Variants in SLC47A2 observed in about 807,000 individuals in gnomAD.
SLC47A2 encodes solute carrier family 47 member 2.
A neutral mutation model predicts 67.7 loss-of-function variants in SLC47A2; 52 were observed. That is an observed-to-expected ratio of 0.77 (90% CI 0.61 to 0.97). SLC47A2 has a LOEUF of 0.97. Ranked by LOEUF, SLC47A2 falls within the 50% of genes least tolerant of loss-of-function variation. The pLI is 0.00. For missense variants in SLC47A2, 676 were observed against 712.3 expected (o/e 0.95, Z 0.58); for synonymous variants, 278 against 292.9 (o/e 0.95, Z 0.52).
At chr17:19,710,074 C>A (rs2086054908) in intron 5 of SLC47A2, among the ~76,000 whole-genome samples, 1 of 152,184 alleles carries the variant, frequency 6.6e-6, no homozygotes, top group Non-Finnish European at 1.5e-5. Context: ...TCACCCTGAC[C>A]TCTTCCCTGC....
chr17:19,711,542 T>C (rs2086095011), intron 5 of SLC47A2, among the ~76,000 whole-genome samples: 1 of 121,818 alleles, frequency 8.2e-6, no homozygotes, highest in African/African-American at 3.2e-5. Flanking sequence ...TGAGCGGAGA[T>C]CGTACCACTG....
intron 13 of SLC47A2, among the ~76,000 whole-genome samples, chr17:19,698,646 C>T (rs112805985): frequency 6.6e-6 from 1 of 152,276 alleles, no homozygotes; most frequent in African/African-American, 2.4e-5. Context: ...TGAGCCACTG[C>T]ACCCAGCCTT....
chr17:19,695,070 G>A lies in SLC47A2; in HGVS notation c.1164+7535C>T, dbSNP rs554908216. Among the ~76,000 whole-genome samples the A allele has an allele frequency of 3.3e-5, 5 of 152,136 alleles. No homozygotes were observed. In the East Asian group the frequency reaches 7.7e-4, roughly 23 times the overall value. ...AAGCATGAGCCATAAAAGAAATTAA[G>A]AAATTGGACTACATTGAAAGTGAAA... On this transcript the variant is annotated intron_variant, in intron 13 of 16. Transcript: ENST00000433844.
chr17:19,715,039 A>G, intron 2 of SLC47A2, 77 bp downstream of exon 2: 1 of 1,503,660 alleles, frequency 6.7e-7, no homozygotes, highest in South Asian at 1.1e-5. Flanking sequence ...CAGCCACCCA[A>G]GACGGGCCCA....
At chr17:19,713,791 C>G (rs1454781764) in intron 4 of SLC47A2, 34 bp downstream of exon 4, 1 of 1,591,216 alleles carries the variant, frequency 6.3e-7, no homozygotes, top group Non-Finnish European at 8.6e-7. Context: ...GGTTTCCCAG[C>G]AAGCCCCACC....
intron 13 of SLC47A2, among the ~76,000 whole-genome samples, chr17:19,698,547 C>T (rs760889015): frequency 1.4e-4 from 22 of 152,002 alleles, no homozygotes; most frequent in Admixed American, 1.3e-4. Flanking sequence ...AGACAGGTTT[C>T]GCCATGTTGG....
intron 5 of SLC47A2, among the ~76,000 whole-genome samples, chr17:19,710,460 C>CTT (rs67349160): frequency 4.7e-5 from 7 of 149,686 alleles, no homozygotes; most frequent in Admixed American, 1.3e-4. Context: ...TGGGTTAAGT[C>CTT]TTTTTTTTTT....
chr17:19,678,396 TATTA>T lies in SLC47A2; in HGVS notation c.*286_*289del, dbSNP rs2085234672. ...GTGTCCCATTTGAAGCCATTTACAT[TATTA>T]ATAATAGTGACAATCCCTGGACTCT... On this transcript the variant is annotated 3_prime_UTR_variant, in exon 17 of 17. Coordinates refer to ENST00000433844, the MANE Select transcript of SLC47A2 (RefSeq NM_001099646.3). The T allele has an allele frequency of 2.5e-6, 1 of 399,230 alleles. No homozygotes were observed. Among genetic ancestry groups the T allele is most frequent in the Admixed American group, 3.8e-5 (1 of 26,454 alleles). 24.7% of individuals were successfully genotyped at this position (399,230 alleles called of 1,614,324 possible).
chr17:19,705,443 G>T lies in SLC47A2; in HGVS notation c.902C>A (p.Thr301Asn), dbSNP rs779618937. 7 of 1,612,014 alleles carry T rather than the reference G, an allele frequency of 4.3e-6. No individual in the cohort carries two copies. The East Asian group carries it at 1.6e-4, about 36-fold the overall frequency. Residue 301 changes from threonine to asparagine, a missense_variant, in exon 10 of 17, where the codon ACC becomes AAC. Transcript: ENST00000433844. ...QAVIYEVATV[T>N]YMIPLGLSIG... ...CCCCTGCAGGAGCCTTACCATGTAG[G>T]TCACAGTGGCCACCTCGTAGATGAC...
At chr17:19,711,796 G>C (rs1199736179) in intron 5 of SLC47A2, among the ~76,000 whole-genome samples, 2 of 151,674 alleles carry the variant, frequency 1.3e-5, no homozygotes, top group Admixed American at 1.3e-4. Context: ...GTAATTGATA[G>C]TTTCCTTGAA....
chr17:19,705,818 C>T (rs1473122054), intron 9 of SLC47A2, among the ~76,000 whole-genome samples: 1 of 152,226 alleles, frequency 6.6e-6, no homozygotes, highest in East Asian at 1.9e-4. Context: ...AGGCTGGTCT[C>T]GAACTCCTGG....
At chr17:19,707,364 C>G (rs2085968929) in intron 8 of SLC47A2, among the ~76,000 whole-genome samples, 1 of 152,200 alleles carries the variant, frequency 6.6e-6, no homozygotes, top group Non-Finnish European at 1.5e-5. Context: ...ATAATCTCCT[C>G]TTTGTAAAAT....
chr17:19,709,720 G>C (rs2086045460), intron 5 of SLC47A2, among the ~76,000 whole-genome samples: 1 of 152,100 alleles, frequency 6.6e-6, no homozygotes, highest in Admixed American at 6.6e-5. Flanking sequence ...AACTATGTTA[G>C]TGTTATTAGT....
intron 15 of SLC47A2, among the ~76,000 whole-genome samples, 167 bp from the exon 16 acceptor site, chr17:19,680,206 G>C (rs1295756546): frequency 6.6e-6 from 1 of 152,180 alleles, no homozygotes; most frequent in Non-Finnish European, 1.5e-5. Flanking sequence ...GGCTGGGCAT[G>C]GTGGCTCACA....
chr17:19,686,792 A>G (rs1157306327), intron 13 of SLC47A2, among the ~76,000 whole-genome samples: 3 of 152,262 alleles, frequency 2.0e-5, no homozygotes, highest in Admixed American at 2.0e-4. Context: ...ACCCAGATAT[A>G]TAAAGCAGAT....
intron 13 of SLC47A2, among the ~76,000 whole-genome samples, chr17:19,701,588 T>C (rs1379247699): frequency 3.3e-5 from 5 of 152,246 alleles, no homozygotes; most frequent in Admixed American, 2.0e-4. Context: ...TCCTGAAGAA[T>C]TCACGTAACT....
chr17:19,695,917 G>T (rs1244277685), intron 13 of SLC47A2, among the ~76,000 whole-genome samples: 1 of 151,474 alleles, frequency 6.6e-6, no homozygotes, highest in African/African-American at 2.4e-5. Context: ...AGAGATGGGG[G>T]TTTCACCATT....
upstream of SLC47A2, chr17:19,718,318 TG>T (rs1376911541): frequency 6.6e-6 from 1 of 151,944 alleles, no homozygotes; most frequent in Non-Finnish European, 1.5e-5. Flanking sequence ...GCGATGGGGG[TG>T]TTCAGGGAGC....
At position 19,678,626 on chromosome 17, in the gene SLC47A2, C is replaced by T. The variant is rs761053251; in HGVS notation, c.*60G>A. The T allele has an allele frequency of 1.1e-4, 163 of 1,551,104 alleles. No homozygotes were observed. The African/African-American group carries it at 1.4e-3, about 14-fold the overall frequency. On this transcript the variant is annotated 3_prime_UTR_variant, in exon 17 of 17. Transcript: ENST00000433844. The stretch of plus-strand genomic sequence containing the variant: ...CCATTGGTGTTTTTGCAGGGCAGAC[C>T]GTGGTGTGTTTGCATACTGGGGACA...
Sources: gnomAD v4.1 joint callset for allele counts (sites outside exome capture counted in the v4.1 genomes callset) on GRCh38, gnomAD v4.1.1 for gene constraint, MANE v1.5 for transcripts, NCBI Gene and HGNC (gene_info 2026-07-23, HGNC 2026-07-21) for gene names.